The following HPSE2 variants were observed in gnomAD, a reference collection of about 807,000 sequenced individuals.
HPSE2 encodes heparanase 2 (inactive), also known as inactive heparanase-2.
Under a neutral mutation model 60.5 loss-of-function variants are expected in HPSE2, and 38 were observed. The ratio of observed to expected loss-of-function variants is 0.63; its 90% CI spans 0.48 to 0.82. The LOEUF is 0.82. HPSE2 is among the 40% of genes least tolerant of loss of function. The pLI, the probability that HPSE2 is intolerant of heterozygous loss-of-function variation, is 0.00. For synonymous variants in HPSE2, 295 were observed against 293.2 expected (o/e 1.01, Z -0.06); for missense variants, 713 against 740.4 (o/e 0.96, Z 0.43).
At chr10:98,649,524 C>G (rs1325959938) in intron 6 of HPSE2, among the ~76,000 whole-genome samples, 1 of 152,132 alleles carries the variant, frequency 6.6e-6, no homozygotes, top group African/African-American at 2.4e-5. Flanking sequence ...TTTCATTGGT[C>G]CTGTAATCAA....
At chr10:98,972,147 T>G (rs1344670256) in intron 3 of HPSE2, among the ~76,000 whole-genome samples, 2 of 152,122 alleles carry the variant, frequency 1.3e-5, no homozygotes, top group African/African-American at 4.8e-5. Context: ...TCTTTAAAAT[T>G]ATTAATCATT....
intron 3 of HPSE2, among the ~76,000 whole-genome samples, chr10:98,780,659 G>T (rs554289709): frequency 6.6e-6 from 1 of 152,162 alleles, no homozygotes; most frequent in African/African-American, 2.4e-5. Context: ...GCTTTTGATT[G>T]CTTGGCTAGG....
At chr10:98,648,409 G>A (rs1212951489) in intron 6 of HPSE2, among the ~76,000 whole-genome samples, 1 of 152,174 alleles carries the variant, frequency 6.6e-6, no homozygotes, top group Non-Finnish European at 1.5e-5. Flanking sequence ...AGAATTGTGG[G>A]CAGAAGTGGA....
intron 6 of HPSE2, among the ~76,000 whole-genome samples, chr10:98,648,780 A>G (rs1946843023): frequency 2.0e-5 from 3 of 152,192 alleles, no homozygotes; most frequent in Non-Finnish European, 4.4e-5. Flanking sequence ...TACAAAACAC[A>G]TAATAGATAC....
chr10:99,083,138 A>C (rs1843202657), intron 3 of HPSE2, among the ~76,000 whole-genome samples: 1 of 152,218 alleles, frequency 6.6e-6, no homozygotes, highest in East Asian at 1.9e-4. Flanking sequence ...AGAGAAGCCA[A>C]GCCTTCAAGC....
chr10:98,839,387 T>C (rs1048689291), intron 3 of HPSE2, among the ~76,000 whole-genome samples: 2 of 152,216 alleles, frequency 1.3e-5, no homozygotes, highest in Non-Finnish European at 2.9e-5. Flanking sequence ...CAAAGAAATA[T>C]ATTGTAGAAA....
rs553947962 is a variant in HPSE2 at position 98,743,717 on chromosome 10, T to C, written c.784+166A>G. 1.3e-3 allele frequency among the ~76,000 whole-genome samples: 202 copies of C among 152,230 alleles called. 5 individuals are homozygous for C. The highest frequency in any genetic ancestry group is 4.6e-4 in the Non-Finnish European group (31 of 68,038). ...TGTGTATTCACTAAATATACTGTCC[T>C]TCACTATTTGGTCTTCTACCATTTG... On this transcript the variant is annotated intron_variant, in intron 4 of 11. Coordinates refer to ENST00000370552, the MANE Select transcript of HPSE2 (RefSeq NM_021828.5).
intron 9 of HPSE2, among the ~76,000 whole-genome samples, chr10:98,509,876 ATTTCTC>A (rs1168431806): frequency 4.6e-5 from 7 of 151,948 alleles, no homozygotes; most frequent in Non-Finnish European, 8.8e-5. Flanking sequence ...CAACGGCAGC[ATTTCTC>A]TTCTCTCCTC....
chr10:98,815,367 G>A (rs1425151767), intron 3 of HPSE2, among the ~76,000 whole-genome samples: 1 of 152,170 alleles, frequency 6.6e-6, no homozygotes, highest in African/African-American at 2.4e-5. Context: ...ATCCCTAATT[G>A]AGGTTAGCTG....
At chr10:98,688,480 T>TTTTTTTTTTTTTTTTTTTTTTTTTTTTG in intron 6 of HPSE2, among the ~76,000 whole-genome samples, 1 of 135,776 alleles carries the variant, frequency 7.4e-6, no homozygotes, top group East Asian at 2.1e-4. Context: ...TTTTTTTCTT[T>TTTTTTTTTTTTTTTTTTTTTTTTTTTTG]TTTTTTTTTT....
At position 98,642,042 on chromosome 10, in the gene HPSE2, G is replaced by A. The variant is rs371317418; in HGVS notation, c.1005-102C>T. The A allele has an allele frequency of 5.7e-5, 54 of 941,084 alleles. No homozygotes were observed. In the African/African-American group the frequency reaches 6.6e-4, roughly 12 times the overall value. The allele number at this position is 941,084 out of a possible 1,614,324, so 58.3% of individuals were successfully genotyped here. A position where few individuals can be genotyped will look rare whatever the true frequency, so the allele number is the denominator to read the frequency against. On this transcript the variant is annotated intron_variant, in intron 6 of 11. Transcript: ENST00000370552. Reference sequence around the variant, plus strand: ...TCTGTTGCCCGAGGAAACAAACCAGGGTTCCACTCGGGCTCTCATATTCTA... The same window carrying A: ...TCTGTTGCCCGAGGAAACAAACCAGAGTTCCACTCGGGCTCTCATATTCTA...
intron 3 of HPSE2, among the ~76,000 whole-genome samples, chr10:98,932,365 G>C (rs551988188): frequency 6.9e-6 from 1 of 144,112 alleles, no homozygotes; most frequent in South Asian, 2.1e-4. Flanking sequence ...GCTGGATTTT[G>C]TTTGCCAGTA....
At chr10:99,204,512 G>A (rs1373178789) in intron 2 of HPSE2, among the ~76,000 whole-genome samples, 1 of 152,080 alleles carries the variant, frequency 6.6e-6, no homozygotes, top group East Asian at 1.9e-4. Flanking sequence ...AAAAACCTAG[G>A]AAATATTAAC....
At position 98,700,863 on chromosome 10, in the gene HPSE2, C is replaced by T. The variant is rs866455761; in HGVS notation, c.957-6916G>A. Among the ~76,000 whole-genome samples, 5 of 65,856 alleles carry T rather than the reference C, an allele frequency of 7.6e-5. 2 individuals carry two copies. Among genetic ancestry groups the T allele is most frequent in the African/African-American group, 1.6e-4 (5 of 30,316 alleles). 43.2% of individuals were successfully genotyped at this position (65,856 alleles called of 152,430 possible). ...ATGAACAGACACTTCTCAAGACATT[C>T]ATGCAGCCAAAAAACACATGAAAAA... On this transcript the variant is annotated intron_variant, in intron 5 of 11. Coordinates refer to ENST00000370552, the MANE Select transcript of HPSE2 (RefSeq NM_021828.5).
At chr10:99,246,958 A>C in the HPSE2 span, among the ~76,000 whole-genome samples, 1 of 152,012 alleles carries the variant, frequency 6.6e-6, no homozygotes. Context: ...TCCCCCAACT[A>C]CCTCACAATC....
chr10:98,476,434 C>T (rs1328424863), intron 11 of HPSE2, among the ~76,000 whole-genome samples: 3 of 149,342 alleles, frequency 2.0e-5, no homozygotes, highest in African/African-American at 7.5e-5. Flanking sequence ...AACTAACCTG[C>T]ACATTGTGCA....
At chr10:98,807,040 G>A (rs1418708768) in intron 3 of HPSE2, among the ~76,000 whole-genome samples, 1 of 152,198 alleles carries the variant, frequency 6.6e-6, no homozygotes, top group Non-Finnish European at 1.5e-5. Context: ...CTATTTGGGA[G>A]GCTGAGGCAG....
At chr10:99,128,687 T>C (rs1170171727) in intron 3 of HPSE2, among the ~76,000 whole-genome samples, 2 of 152,014 alleles carry the variant, frequency 1.3e-5, no homozygotes, top group Non-Finnish European at 1.5e-5. Context: ...CTGGGGGATG[T>C]GGCAAGGGGA....
At position 99,020,909 on chromosome 10, in the gene HPSE2, A is replaced by C. The variant is rs117816603; in HGVS notation, c.610+123329T>G. Among the ~76,000 whole-genome samples, 84 of 152,306 alleles carry C rather than the reference A, an allele frequency of 5.5e-4. No individual in the cohort carries two copies. In the East Asian group the frequency reaches 0.016, roughly 29 times the overall value. On this transcript the variant is annotated intron_variant, in intron 3 of 11. Transcript: ENST00000370552. ...TACAGGGCCAGGGAACACACAGGCC[A>C]TGGATATGTTCTGGAAAACTATGGC...
Sources: gnomAD v4.1 joint callset for allele counts (sites outside exome capture counted in the v4.1 genomes callset) on GRCh38, gnomAD v4.1.1 for gene constraint, MANE v1.5 for transcripts, NCBI Gene and HGNC (gene_info 2026-07-23, HGNC 2026-07-21) for gene names.